AXL: variants seen among roughly 807,000 people sequenced by gnomAD.
AXL encodes tyrosine-protein kinase receptor UFO.
AXL carries 52 observed loss-of-function variants against 104.5 expected under a neutral mutation model. The observed-to-expected ratio is 0.50, with a 90% CI of 0.40 to 0.63. The LOEUF is 0.63. Ranked by LOEUF, AXL falls within the 20% of genes least tolerant of loss-of-function variation. The pLI is 0.00. For missense variants in AXL, 1,024 were observed against 1,188.5 expected (o/e 0.86, Z 2.04); for synonymous variants, 455 against 473.7 (o/e 0.96, Z 0.51).
chr19:41,238,416 G>A, intron 7 of AXL, 54 bp from the exon 8 acceptor site: 1 of 1,588,110 alleles, frequency 6.3e-7, no homozygotes, highest in South Asian at 1.1e-5. Flanking sequence ...GGGAACAGGG[G>A]AGGGGGTCAG....
At chr19:41,230,147 G>A (rs1350672088) in intron 4 of AXL, among the ~76,000 whole-genome samples, 2 of 119,598 alleles carry the variant, frequency 1.7e-5, no homozygotes, top group Non-Finnish European at 3.5e-5. Context: ...GTGTGGCTGT[G>A]TCTGTTTCTG....
Position 41,231,167 on chromosome 19 carries a change from T to G in AXL, c.668-16T>G. ...GCAAAGGCTCCCCAGGGTCAATCTC[T>G]CCCGTTTGTCCACAGTGCTCCCCCA... On this transcript the variant is annotated splice_polypyrimidine_tract_variant and intron_variant, in intron 5 of 19. Coordinates refer to ENST00000301178, the MANE Select transcript of AXL (RefSeq NM_021913.5). The G allele has an allele frequency of 6.2e-7, 1 of 1,610,114 alleles. No homozygotes were observed. The highest frequency in any genetic ancestry group is 8.5e-7 in the Non-Finnish European group (1 of 1,177,508).
chr19:41,234,649 G>A (rs1400019922), intron 6 of AXL, among the ~76,000 whole-genome samples: 1 of 152,236 alleles, frequency 6.6e-6, no homozygotes, highest in Non-Finnish European at 1.5e-5. Context: ...ACCCTGACAA[G>A]TAAGAACTGT....
At chr19:41,235,802 A>T (rs2034069321) in intron 6 of AXL, among the ~76,000 whole-genome samples, 1 of 152,204 alleles carries the variant, frequency 6.6e-6, no homozygotes, top group Non-Finnish European at 1.5e-5. Flanking sequence ...TTACCACAGG[A>T]CAACAGGATT....
intron 4 of AXL, among the ~76,000 whole-genome samples, chr19:41,229,349 C>T (rs1267359268): frequency 3.3e-5 from 5 of 152,054 alleles, no homozygotes; most frequent in Admixed American, 1.3e-4. Context: ...CTGCAGCCTC[C>T]ACCTCCCCGG....
At position 41,253,738 on chromosome 19, in the gene AXL, C is replaced by T. The variant is rs753445084; in HGVS notation, c.2036+30C>T. ...GTGCCTTTCAGGGACCCCCCCCCCC[C>T]AACTGCTCCTGCACTCCCTGAGGGA... On this transcript the variant is annotated intron_variant, in intron 17 of 19. Transcript: ENST00000301178. 9.1e-6 allele frequency: 13 copies of T among 1,430,864 alleles called. No homozygotes were observed. In the East Asian group the frequency reaches 2.6e-4, roughly 29 times the overall value. The allele number at this position is 1,430,864 out of a possible 1,614,324, so 88.6% of individuals were successfully genotyped here.
intron 12 of AXL, among the ~76,000 whole-genome samples, chr19:41,247,331 T>C (rs2034287303): frequency 6.6e-6 from 1 of 152,144 alleles, no homozygotes; most frequent in Non-Finnish European, 1.5e-5. Flanking sequence ...CTGACCAACA[T>C]GGAGAAACCC....
intron 12 of AXL, 90 bp downstream of exon 12, chr19:41,243,797 A>G: frequency 9.5e-7 from 1 of 1,050,534 alleles, no homozygotes; most frequent in Non-Finnish European, 1.5e-6. Context: ...GTGTGAGCCA[A>G]AAGTTTCTAA....
chr19:41,237,877 G>A (rs2122233414), intron 6 of AXL, 67 bp from the exon 7 acceptor site: 1 of 1,457,154 alleles, frequency 6.9e-7, no homozygotes, highest in Non-Finnish European at 9.6e-7. Context: ...CACCACCACT[G>A]GGAGCTGTGT....
intron 6 of AXL, among the ~76,000 whole-genome samples, chr19:41,234,551 A>AAAAG (rs575100754): frequency 7.2e-5 from 11 of 152,308 alleles, no homozygotes; most frequent in South Asian, 6.2e-4. Flanking sequence ...AGAAAAAAGA[A>AAAAG]AAAGAAAGAA....
Position 41,260,146 on chromosome 19 carries a change from C to CAGGTGTTA in AXL, c.*244_*251dup. The CAGGTGTTA allele has an allele frequency of 2.1e-6, 1 of 479,210 alleles. No individual in the cohort carries two copies. The highest frequency in any genetic ancestry group is 5.3e-4 in the Middle Eastern group (1 of 1,896). The allele number at this position is 479,210 out of a possible 1,614,324, so 29.7% of individuals were successfully genotyped here. On this transcript the variant is annotated 3_prime_UTR_variant, in exon 20 of 20. Coordinates refer to ENST00000301178, the MANE Select transcript of AXL (RefSeq NM_021913.5). ...TGGATTGCAATATCTGAAGCCCTCC[C>CAGGTGTTA]AGGTGTTAACATTCCAAGACTCTAG... is the stretch of plus-strand genomic sequence containing the variant.
rs550213767 is a variant in AXL, at chr19:41,240,658, C to T, written c.1312+938C>T. Among the ~76,000 whole-genome samples, 37 of 152,244 alleles carry T rather than the reference C, an allele frequency of 2.4e-4. No individual in the cohort carries two copies. The East Asian group carries it at 4.1e-3, about 17-fold the overall frequency. ...ATCCCTTCCTACATTTCTTCACATA[C>T]GCTTTCCACGCTTATTCCACCCTCC... On this transcript the variant is annotated intron_variant, in intron 10 of 19. Transcript: ENST00000301178.
intron 7 of AXL, 37 bp from the exon 8 acceptor site, chr19:41,238,433 G>C (rs1185395284): frequency 6.3e-7 from 1 of 1,595,312 alleles, no homozygotes; most frequent in Admixed American, 1.7e-5. Flanking sequence ...TCAGGAAGAG[G>C]TGGGGGTGCC....
intron 18 of AXL, 30 bp downstream of exon 18, chr19:41,256,641 C>T (rs751303930): frequency 5.6e-6 from 9 of 1,607,146 alleles, no homozygotes; most frequent in Non-Finnish European, 7.7e-6. Flanking sequence ...GAGTGGGGAA[C>T]CATGGGAGGG....
At position 41,248,827 on chromosome 19, in the gene AXL, T is replaced by TA; in HGVS notation, c.1711+8dup. 1 of 1,605,356 alleles carries TA rather than the reference T, an allele frequency of 6.2e-7. No homozygotes were observed. On this transcript the variant is annotated splice_region_variant and intron_variant, in intron 14 of 19. Transcript: ENST00000301178. ...GCTGTGAAGACGATGAAGAGTGAGT[T>TA]ACGTGCACATGTGTAGGACCCCCAG...
intron 10 of AXL, among the ~76,000 whole-genome samples, chr19:41,242,210 G>A (rs182025044): frequency 6.6e-6 from 1 of 150,894 alleles, no homozygotes; most frequent in African/African-American, 2.4e-5. Context: ...ATAATATTTG[G>A]TAGCTTAAAG....
chr19:41,226,408 G>A (rs2033882274), intron 4 of AXL, among the ~76,000 whole-genome samples: 1 of 152,172 alleles, frequency 6.6e-6, no homozygotes, highest in African/African-American at 2.4e-5. Context: ...CGGCGCGGGG[G>A]CTGCGGGCGC....
chr19:41,228,573 C>T (rs2122213742), intron 4 of AXL, among the ~76,000 whole-genome samples: 1 of 152,162 alleles, frequency 6.6e-6, no homozygotes, highest in East Asian at 1.9e-4. Context: ...AAAAAACAGT[C>T]AAGACACAAT....
At chr19:41,238,831 G>T (rs1480906974) in intron 8 of AXL, among the ~76,000 whole-genome samples, 1 of 152,080 alleles carries the variant, frequency 6.6e-6, no homozygotes, top group Non-Finnish European at 1.5e-5. Flanking sequence ...AAGCATTTCA[G>T]CAGACTCATA....
Sources: allele counts gnomAD v4.1 joint callset (sites outside exome capture counted in the v4.1 genomes callset), GRCh38; gene constraint gnomAD v4.1.1; transcripts MANE v1.5; gene names NCBI Gene and HGNC (gene_info 2026-07-23, HGNC 2026-07-21).